Variants in SCFD2 observed in about 807,000 individuals in gnomAD.
SCFD2 encodes the protein sec1 family domain-containing protein 2.
Under a neutral mutation model 58.9 loss-of-function variants are expected in SCFD2, and 54 were observed. The observed-to-expected ratio is 0.92, with a 90% CI of 0.74 to 1.15. The LOEUF (loss-of-function observed/expected upper bound fraction) is 1.15. Among genes scored for constraint, SCFD2 ranks in the 50% most tolerant of loss-of-function variants. The probability of loss-of-function intolerance (pLI) is 0.00; values close to 1 mark genes in which losing one functional copy is unlikely to be tolerated. For synonymous variants in SCFD2, 321 were observed against 335.9 expected (o/e 0.96, Z 0.49); for missense variants, 805 against 836.6 (o/e 0.96, Z 0.47).
rs1718701354 is a variant in SCFD2, at chr4:52,885,015, G to T, written c.1962+732C>A. On this transcript the variant is annotated intron_variant, in intron 8 of 8. Transcript: ENST00000401642. ...CTCCCAGATCACCTGATTAGTCAAA[G>T]GCAGAGGCAGGATTGGAACTTGGGC... 2.0e-5 allele frequency among the ~76,000 whole-genome samples: 3 copies of T among 152,196 alleles called. No homozygotes were observed. The South Asian group carries it at 6.2e-4, about 32-fold the overall frequency.
intron 8 of SCFD2, among the ~76,000 whole-genome samples, chr4:52,877,629 AG>A (rs1362803832): frequency 2.0e-5 from 3 of 152,202 alleles, no homozygotes; most frequent in African/African-American, 7.2e-5. Flanking sequence ...CAGGCTCTAG[AG>A]GGGCTTAGAA....
Position 52,873,610 on chromosome 4 carries a change from G to A in SCFD2, c.*359C>T, listed in dbSNP as rs1399344751. The A allele has an allele frequency of 5.9e-6, 1 of 169,934 alleles. No homozygotes were observed. The highest frequency in any genetic ancestry group is 1.3e-5 in the Non-Finnish European group (1 of 79,806). 10.5% of individuals were successfully genotyped at this position (169,934 alleles called of 1,614,324 possible). A position where few individuals can be genotyped will look rare whatever the true frequency, so the allele number is the denominator to read the frequency against. On this transcript the variant is annotated 3_prime_UTR_variant, in exon 9 of 9. Coordinates refer to ENST00000401642, the MANE Select transcript of SCFD2 (RefSeq NM_152540.4). ...TCTCGAGCAACTTCAAATAAAAAGA[G>A]TTGTAATCTACCAACACTTGCCAAC...
chr4:53,271,043 T>C (rs1199716868), intron 4 of SCFD2, among the ~76,000 whole-genome samples: 1 of 152,160 alleles, frequency 6.6e-6, no homozygotes, highest in Non-Finnish European at 1.5e-5. Flanking sequence ...GAAAGTTTTT[T>C]TTTCTTTTTG....
intron 2 of SCFD2, among the ~76,000 whole-genome samples, chr4:53,341,097 A>C (rs1431596197): frequency 1.3e-5 from 2 of 152,218 alleles, no homozygotes; most frequent in Admixed American, 6.5e-5. Flanking sequence ...CAACGGAACA[A>C]AGCTGGACAG....
chr4:53,033,066 A>C (rs577212004), intron 5 of SCFD2, among the ~76,000 whole-genome samples: 1 of 152,282 alleles, frequency 6.6e-6, no homozygotes, highest in African/African-American at 2.4e-5. Flanking sequence ...ACATAATTGA[A>C]AGTGAAACAC....
chr4:53,152,988 C>T (rs1034011246), intron 4 of SCFD2, among the ~76,000 whole-genome samples: 6 of 151,040 alleles, frequency 4.0e-5, no homozygotes, highest in African/African-American at 1.5e-4. Context: ...GACAGCCCTG[C>T]CCCTGTGGCT....
intron 2 of SCFD2, among the ~76,000 whole-genome samples, chr4:53,345,400 C>T (rs928921741): frequency 5.3e-5 from 8 of 152,126 alleles, no homozygotes; most frequent in African/African-American, 1.7e-4. Flanking sequence ...CAATGAGATA[C>T]CATCTCACAC....
At chr4:53,213,781 A>G (rs926284574) in intron 4 of SCFD2, among the ~76,000 whole-genome samples, 2 of 152,038 alleles carry the variant, frequency 1.3e-5, no homozygotes, top group Non-Finnish European at 1.5e-5. Flanking sequence ...TATTAGTTAT[A>G]TCTCCTCATT....
chr4:52,964,163 C>T (rs780890017), intron 5 of SCFD2, among the ~76,000 whole-genome samples: 2 of 152,130 alleles, frequency 1.3e-5, no homozygotes, highest in Non-Finnish European at 2.9e-5. Context: ...GGAAAGCCTC[C>T]AAGTGGTTGT....
chr4:53,295,052 T>C (rs1360884013), intron 3 of SCFD2, among the ~76,000 whole-genome samples: 1 of 152,254 alleles, frequency 6.6e-6, no homozygotes, highest in African/African-American at 2.4e-5. Context: ...CCCTGTAGTA[T>C]AGTTTGAAGT....
intron 5 of SCFD2, among the ~76,000 whole-genome samples, chr4:53,024,819 A>G (rs376738850): frequency 1.3e-5 from 2 of 151,948 alleles, no homozygotes; most frequent in Non-Finnish European, 2.9e-5. Flanking sequence ...TACCACCTCA[A>G]TCATCACACA....
chr4:53,289,464 A>G (rs1731770429), intron 3 of SCFD2, among the ~76,000 whole-genome samples: 1 of 152,152 alleles, frequency 6.6e-6, no homozygotes, highest in Admixed American at 6.6e-5. Flanking sequence ...CAGAGCAGAA[A>G]ACTATGGCAG....
In SCFD2 at chr4:53,207,495, A is replaced by AC. The variant is rs1491156242; in HGVS notation, c.1312-61914_1312-61913insG. ...TTGAAATATATTATATATATATTTC[A>AC]TATATATATATTATATATATTATAT... On this transcript the variant is annotated intron_variant, in intron 4 of 8. Coordinates refer to ENST00000401642, the MANE Select transcript of SCFD2 (RefSeq NM_152540.4). Among the ~76,000 whole-genome samples the AC allele has an allele frequency of 1.5e-3, 18 of 11,622 alleles. 4 individuals carry two copies. Among genetic ancestry groups the AC allele is most frequent in the Admixed American group, 7.3e-3 (4 of 548 alleles). 7.6% of individuals were successfully genotyped at this position (11,622 alleles called of 152,430 possible).
intron 5 of SCFD2, among the ~76,000 whole-genome samples, chr4:52,939,145 C>T (rs301098): frequency 0.16 from 24,721 of 152,114 alleles, 4,676 homozygotes; most frequent in African/African-American, 0.46. Context: ...TTGTTATTAG[C>T]ACAACCTAAC....
intron 8 of SCFD2, among the ~76,000 whole-genome samples, chr4:52,883,123 T>C (rs1718657971): frequency 6.6e-6 from 1 of 152,154 alleles, no homozygotes; most frequent in African/African-American, 2.4e-5. Flanking sequence ...GAGCAGACAA[T>C]GGAACTAGCA....
At chr4:53,182,071 T>G (rs547371522) in intron 4 of SCFD2, among the ~76,000 whole-genome samples, 3 of 152,262 alleles carry the variant, frequency 2.0e-5, no homozygotes, top group African/African-American at 7.2e-5. Context: ...AAAATGGCCA[T>G]ATTGCCCAAG....
intron 3 of SCFD2, among the ~76,000 whole-genome samples, chr4:53,295,019 C>T (rs1380243472): frequency 2.0e-5 from 3 of 152,122 alleles, no homozygotes; most frequent in African/African-American, 7.2e-5. Context: ...GGTACCAGTA[C>T]CGTGCTGTTT....
At chr4:52,897,106 G>A (rs1041179489) in intron 7 of SCFD2, among the ~76,000 whole-genome samples, 1 of 152,084 alleles carries the variant, frequency 6.6e-6, no homozygotes, top group Admixed American at 6.6e-5. Flanking sequence ...CTGCAAACAG[G>A]GACAATTTGA....
chr4:53,253,553 G>A (rs1220299837), intron 4 of SCFD2, among the ~76,000 whole-genome samples: 4 of 152,166 alleles, frequency 2.6e-5, no homozygotes, highest in African/African-American at 9.6e-5. Flanking sequence ...GGAATACTAT[G>A]TAGCCATAAA....
Sources: gnomAD v4.1 joint callset for allele counts (sites outside exome capture counted in the v4.1 genomes callset) on GRCh38, gnomAD v4.1.1 for gene constraint, MANE v1.5 for transcripts, NCBI Gene and HGNC (gene_info 2026-07-23, HGNC 2026-07-21) for gene names.